The following CDH13 variants were observed in gnomAD, a reference collection of about 807,000 sequenced individuals.
CDH13 encodes the protein cadherin 13.
In CDH13, 24 loss-of-function variants were observed where a neutral mutation model predicts 63.8. The ratio of observed to expected loss-of-function variants is 0.38; its 90% CI spans 0.27 to 0.53. The LOEUF is 0.53. Among genes scored for constraint, CDH13 ranks in the 20% least tolerant of loss-of-function variants. The pLI is 0.85. For missense variants in CDH13, 1,049 were observed against 903.1 expected (o/e 1.16, Z -2.07); for synonymous variants, 503 against 355.3 (o/e 1.42, Z -4.67).
At chr16:82,946,720 C>A (rs1333630356) in intron 2 of CDH13, among the ~76,000 whole-genome samples, 99 of 148,884 alleles carry the variant, frequency 6.6e-4, no homozygotes, top group Admixed American at 1.0e-3. Context: ...AACTCTGTCT[C>A]AAAAAAAAGA....
chr16:83,762,085 A>G (rs1436752549), intron 11 of CDH13, among the ~76,000 whole-genome samples: 1 of 152,196 alleles, frequency 6.6e-6, no homozygotes, highest in African/African-American at 2.4e-5. Flanking sequence ...AAATAAAATA[A>G]GTAATTTTAA....
intron 5 of CDH13, among the ~76,000 whole-genome samples, chr16:83,246,669 G>C (rs765147213): frequency 4.6e-5 from 7 of 152,134 alleles, no homozygotes; most frequent in Non-Finnish European, 8.8e-5. Context: ...TCATTCACTT[G>C]AACGGGTGAA....
chr16:83,402,434 G>T (rs972726718), intron 6 of CDH13, among the ~76,000 whole-genome samples: 1 of 152,150 alleles, frequency 6.6e-6, no homozygotes, highest in South Asian at 2.1e-4. Flanking sequence ...AAATCCACCA[G>T]GCTCTGAGCC....
chr16:83,007,653 A>C (rs994676466), intron 2 of CDH13, among the ~76,000 whole-genome samples: 4 of 151,980 alleles, frequency 2.6e-5, no homozygotes, highest in Admixed American at 2.0e-4. Context: ...AGCATGGCAA[A>C]ACCCTGTATC....
chr16:83,053,110 C>G (rs1248914816), intron 3 of CDH13, among the ~76,000 whole-genome samples: 1 of 152,106 alleles, frequency 6.6e-6, no homozygotes, highest in Non-Finnish European at 1.5e-5. Flanking sequence ...TGAGATAATT[C>G]ATGTGAGGCT....
At chr16:83,071,814 A>T (rs1162381961) in intron 3 of CDH13, among the ~76,000 whole-genome samples, 2 of 152,208 alleles carry the variant, frequency 1.3e-5, no homozygotes, top group East Asian at 3.9e-4. Context: ...GGCATGACAG[A>T]GTTCTGAAAT....
chr16:83,095,286 C>T (rs183023674), intron 3 of CDH13, among the ~76,000 whole-genome samples: 36 of 152,222 alleles, frequency 2.4e-4, no homozygotes, highest in Middle Eastern at 6.8e-3. Context: ...TAATTCTGTC[C>T]ACTGGTATAT....
chr16:83,734,285 G>C (rs1911317103), intron 10 of CDH13, among the ~76,000 whole-genome samples: 1 of 152,160 alleles, frequency 6.6e-6, no homozygotes, highest in African/African-American at 2.4e-5. Context: ...TCACTGCACA[G>C]AAAGCCAATC....
At chr16:83,500,056 G>T (rs1226842524) in intron 7 of CDH13, among the ~76,000 whole-genome samples, 1 of 151,712 alleles carries the variant, frequency 6.6e-6, no homozygotes, top group South Asian at 2.1e-4. Context: ...GCCCACCTCG[G>T]CCTCCCAAAG....
intron 5 of CDH13, among the ~76,000 whole-genome samples, chr16:83,303,444 T>C (rs2151878531): frequency 6.6e-6 from 1 of 152,282 alleles, no homozygotes; most frequent in African/African-American, 2.4e-5. Context: ...AGCCCAGTGC[T>C]GAGACAATGG....
intron 7 of CDH13, among the ~76,000 whole-genome samples, chr16:83,595,795 T>C (rs1907197483): frequency 6.6e-6 from 1 of 151,240 alleles, no homozygotes; most frequent in Admixed American, 6.6e-5. Flanking sequence ...CCCAAGGAAA[T>C]AGGATCCAGT....
At chr16:83,540,630 C>T (rs568322389) in intron 7 of CDH13, among the ~76,000 whole-genome samples, 1 of 152,320 alleles carries the variant, frequency 6.6e-6, no homozygotes, top group South Asian at 2.1e-4. Flanking sequence ...ATGACACTCT[C>T]AAGTAGTAAC....
intron 6 of CDH13, among the ~76,000 whole-genome samples, chr16:83,447,819 GC>G (rs1419389810): frequency 1.3e-5 from 2 of 150,526 alleles, no homozygotes; most frequent in African/African-American, 4.9e-5. Flanking sequence ...TCGACTGTTT[GC>G]CAGGCACCAT....
intron 10 of CDH13, among the ~76,000 whole-genome samples, chr16:83,687,705 A>G (rs899531007): frequency 3.3e-5 from 5 of 152,228 alleles, no homozygotes; most frequent in East Asian, 3.8e-4. Context: ...TTTTAAACCA[A>G]TCCCAGGAAG....
In CDH13 at chr16:83,291,287, A is replaced by T. The variant is rs534538690; in HGVS notation, c.637-53575A>T. On this transcript the variant is annotated intron_variant, in intron 5 of 13. Transcript: ENST00000567109. ...ATTCTGGTTAGAGGTCACGTAGTAA[A>T]TATATTCAGGGGGTTCTACTTCTTC... 2.6e-5 allele frequency among the ~76,000 whole-genome samples: 4 copies of T among 152,208 alleles called. No individual in the cohort carries two copies. The South Asian group carries it at 8.3e-4, about 32-fold the overall frequency.
At chr16:83,731,874 G>T (rs1248702816) in intron 10 of CDH13, among the ~76,000 whole-genome samples, 2 of 152,190 alleles carry the variant, frequency 1.3e-5, no homozygotes, top group African/African-American at 2.4e-5. Context: ...TAGCTCAAAG[G>T]TTTGTGGAAG....
chr16:83,723,110 A>T (rs980566724), intron 10 of CDH13, among the ~76,000 whole-genome samples: 1 of 152,252 alleles, frequency 6.6e-6, no homozygotes, highest in Non-Finnish European at 1.5e-5. Context: ...ACTGGTTACC[A>T]GAAGCAAGGT....
At chr16:82,792,190 A>G (rs1314189783) in intron 1 of CDH13, among the ~76,000 whole-genome samples, 3 of 152,000 alleles carry the variant, frequency 2.0e-5, no homozygotes, top group Admixed American at 6.6e-5. Flanking sequence ...CAGATAAGAG[A>G]TGATTCTACC....
At chr16:82,954,824 A>C (rs970172127) in intron 2 of CDH13, 2 of 151,938 alleles carry the variant, frequency 1.3e-5, no homozygotes, top group South Asian at 2.1e-4. Context: ...GGCAGCCACA[A>C]AATCTCATTC....
Sources: gnomAD v4.1 joint callset for allele counts (sites outside exome capture counted in the v4.1 genomes callset) on GRCh38, gnomAD v4.1.1 for gene constraint, MANE v1.5 for transcripts, NCBI Gene and HGNC (gene_info 2026-07-23, HGNC 2026-07-21) for gene names.